Variants in MRPS5 observed in about 807,000 individuals in gnomAD.
The protein encoded by MRPS5 is small ribosomal subunit protein uS5m.
MRPS5 carries 27 observed loss-of-function variants against 51.9 expected under a neutral mutation model. That is an observed-to-expected ratio of 0.52 (90% CI 0.38 to 0.72). The LOEUF (loss-of-function observed/expected upper bound fraction) is 0.72, where lower values mean the gene tolerates loss of function less well. Among genes scored for constraint, MRPS5 ranks in the 30% least tolerant of loss-of-function variants. MRPS5 has a pLI of 0.00. For synonymous variants in MRPS5, 196 were observed against 193.2 expected, an observed-to-expected ratio of 1.01 and a Z score of -0.12; for missense variants, 570 against 545.7, an observed-to-expected ratio of 1.04 and a Z score of -0.44.
At chr2:95,109,812 C>T in intron 4 of MRPS5, 104 bp downstream of exon 4, 1 of 1,282,614 alleles carries the variant, frequency 7.8e-7, no homozygotes, top group Non-Finnish European at 1.1e-6. Context: ...GATCGTAGTG[C>T]CCTTCATAAG....
intron 3 of MRPS5, among the ~76,000 whole-genome samples, chr2:95,112,303 G>A (rs570087152): frequency 6.6e-6 from 1 of 152,168 alleles, no homozygotes; most frequent in Admixed American, 6.5e-5. Flanking sequence ...GACCCCAGGT[G>A]ACCCGCCCAC....
rs1455265718 is a variant in MRPS5, at chr2:95,090,426, A to C, written c.1028T>G (p.Leu343Arg). The change falls in exon 11 of 12, where the codon CTC (leucine) becomes CGC (arginine). Residue 343 changes from leucine (L) to arginine (R), a missense_variant. Physicochemically the swap from Leu to Arg is moderately radical, Grantham distance 102. Coordinates refer to ENST00000272418, the MANE Select transcript of MRPS5 (RefSeq NM_031902.5). ...YAKVSGSINMLSLTQGLFRGL... is the reference protein window; with the variant it reads ...YAKVSGSINMRSLTQGLFRGL... ...ACGGAAGAGGCCCTGGGTGAGGCTG[A>C]GCATATTAATGGACCCAGAGACCTT... 1.2e-6 allele frequency: 2 copies of C among 1,613,996 alleles called. No homozygotes were observed. The highest frequency in any genetic ancestry group is 2.7e-5 in the African/African-American group (2 of 74,912).
intron 10 of MRPS5, among the ~76,000 whole-genome samples, chr2:95,095,095 C>A (rs1241358002): frequency 6.6e-6 from 1 of 152,172 alleles, no homozygotes; most frequent in Non-Finnish European, 1.5e-5. Context: ...TCTGATAAAA[C>A]AGACTTTAAA....
intron 10 of MRPS5, among the ~76,000 whole-genome samples, chr2:95,100,023 A>G (rs1325960712): frequency 6.6e-6 from 1 of 152,128 alleles, no homozygotes; most frequent in African/African-American, 2.4e-5. Flanking sequence ...CTGCTTGTCC[A>G]CAAAACAGGA....
chr2:95,121,952 G>C (rs1181631669), upstream of MRPS5: 2 of 814,118 alleles, frequency 2.5e-6, no homozygotes, highest in Non-Finnish European at 3.5e-6. Context: ...GTCCGGACGG[G>C]CCACACTGCA....
At chr2:95,110,187 C>CGG in intron 3 of MRPS5, 146 bp from the exon 4 acceptor site, 1 of 941,070 alleles carries the variant, frequency 1.1e-6, no homozygotes, top group Non-Finnish European at 1.6e-6. Context: ...TTAAATCATC[C>CGG]TTTGCACACA....
Position 95,100,889 on chromosome 2 carries a change from C to T in MRPS5, c.816G>A (p.Lys272=). 1 of 1,607,694 alleles carries T rather than the reference C, an allele frequency of 6.2e-7. No individual in the cohort carries two copies. Among genetic ancestry groups the T allele is most frequent in the Non-Finnish European group, 8.5e-7 (1 of 1,178,122 alleles). ...AATGCAAATGGTGAACTGCTCTGTTCTTTGCCTGAAAGGAAAATGTTTTTC... is the reference window on the plus strand; with the variant it reads ...AATGCAAATGGTGAACTGCTCTGTTTTTTGCCTGAAAGGAAAATGTTTTTC... The part of the protein sequence containing the change: ...TDRMDAFRKA[K]NRAVHHLHYI... The change falls in exon 9 of 12, where the codon AAG becomes AAA. Residue 272 remains lysine, a synonymous_variant. Coordinates refer to ENST00000272418, the MANE Select transcript of MRPS5 (RefSeq NM_031902.5).
Position 95,087,574 on chromosome 2 carries a change from T to C in MRPS5, c.1076A>G (p.His359Arg), listed in dbSNP as rs1360537840. The C allele has an allele frequency of 6.2e-7, 1 of 1,612,896 alleles. No individual in the cohort carries two copies. The highest frequency in any genetic ancestry group is 2.2e-5 in the East Asian group (1 of 44,872). ...LFRGLSRQET[H>R]QQLADKKGLH... ...GCCCTTCTTATCAGCCAGCTGTTGA[T>C]GGGTTTCCTAAGCAAGACCAAATTC... Residue 359 changes from histidine to arginine, a missense_variant, in exon 12 of 12, where the codon CAT becomes CGT. Transcript: ENST00000272418.
intron 10 of MRPS5, among the ~76,000 whole-genome samples, chr2:95,099,406 G>C (rs967384928): frequency 3.9e-5 from 6 of 152,084 alleles, no homozygotes; most frequent in African/African-American, 7.2e-5. Context: ...AGTTTATTTA[G>C]AGATGTGTTT....
chr2:95,117,429 C>A (rs1262781675), intron 2 of MRPS5, among the ~76,000 whole-genome samples: 1 of 151,262 alleles, frequency 6.6e-6, no homozygotes, highest in Non-Finnish European at 1.5e-5. Flanking sequence ...TAAATATACA[C>A]ACAAACTTAA....
At chr2:95,108,630 C>G (rs1573343627) in intron 4 of MRPS5, among the ~76,000 whole-genome samples, 1 of 152,112 alleles carries the variant, frequency 6.6e-6, no homozygotes, top group African/African-American at 2.4e-5. Context: ...CATATGGATG[C>G]TTGGACAAGG....
chr2:95,095,148 G>A (rs1226203337), intron 10 of MRPS5, among the ~76,000 whole-genome samples: 2 of 152,178 alleles, frequency 1.3e-5, no homozygotes, highest in Non-Finnish European at 2.9e-5. Context: ...TTACATAATG[G>A]TAAAGGCATC....
chr2:95,105,016 C>T (rs1391986904), intron 6 of MRPS5, among the ~76,000 whole-genome samples: 1 of 152,134 alleles, frequency 6.6e-6, no homozygotes, highest in Non-Finnish European at 1.5e-5. Flanking sequence ...TCGATATACC[C>T]TATCTTAATG....
At chr2:95,112,570 T>C (rs1356404845) in intron 3 of MRPS5, among the ~76,000 whole-genome samples, 1 of 152,210 alleles carries the variant, frequency 6.6e-6, no homozygotes, top group East Asian at 1.9e-4. Flanking sequence ...TTTGAAAAAG[T>C]GTGTCCTTCT....
rs79393688 is a variant in MRPS5, at chr2:95,107,428, G to C, written c.637+747C>G. On this transcript the variant is annotated intron_variant, in intron 5 of 11. Coordinates refer to ENST00000272418, the MANE Select transcript of MRPS5 (RefSeq NM_031902.5). ...GCCCTGCCCTTCCTTCTGTGAGCAAGTGAAGCCACTTCACACTCTGAATCT... is the reference window on the plus strand; with the variant it reads ...GCCCTGCCCTTCCTTCTGTGAGCAACTGAAGCCACTTCACACTCTGAATCT... Among the ~76,000 whole-genome samples the C allele has an allele frequency of 7.6e-3, 1,164 of 152,212 alleles. 15 individuals carry two copies. The highest frequency in any genetic ancestry group is 0.027 in the African/African-American group (1,121 of 41,538).
intron 8 of MRPS5, among the ~76,000 whole-genome samples, chr2:95,101,240 C>T (rs766926655): frequency 3.3e-5 from 5 of 151,970 alleles, no homozygotes; most frequent in Middle Eastern, 6.8e-3. Flanking sequence ...AAAAGTTAGC[C>T]GGGTGTGGTG....
At chr2:95,104,598 C>T in intron 7 of MRPS5, 42 bp downstream of exon 7, 1 of 1,605,256 alleles carries the variant, frequency 6.2e-7, no homozygotes, top group Non-Finnish European at 8.5e-7. Flanking sequence ...ACGCCTTTCC[C>T]TGCACACCAC....
At chr2:95,101,385 A>C (rs1175713871) in intron 8 of MRPS5, among the ~76,000 whole-genome samples, 1 of 140,784 alleles carries the variant, frequency 7.1e-6, no homozygotes, top group Non-Finnish European at 1.6e-5. Flanking sequence ...ACAACGTCTC[A>C]AAAAAAAAAA....
intron 10 of MRPS5, among the ~76,000 whole-genome samples, chr2:95,097,597 G>A (rs188161967): frequency 6.6e-6 from 1 of 152,274 alleles, no homozygotes; most frequent in Admixed American, 6.5e-5. Flanking sequence ...AAGAAATGGG[G>A]AAAGGATTCC....
Sources: allele counts gnomAD v4.1 joint callset (sites outside exome capture counted in the v4.1 genomes callset), GRCh38; gene constraint gnomAD v4.1.1; transcripts MANE v1.5; gene names NCBI Gene and HGNC (gene_info 2026-07-23, HGNC 2026-07-21).